SARDH: variants seen among roughly 807,000 people sequenced by gnomAD.
The protein encoded by SARDH is sarcosine dehydrogenase.
Under a neutral mutation model 109.1 loss-of-function variants are expected in SARDH, and 95 were observed. That is an observed-to-expected ratio of 0.87 (90% confidence interval 0.74 to 1.03). SARDH has a LOEUF of 1.03. Ranked by LOEUF, SARDH falls within the 50% of genes least tolerant of loss-of-function variation. SARDH has a pLI of 0.00. For missense variants in SARDH, 1,267 were observed against 1,287.8 expected, an observed-to-expected ratio of 0.98 and a Z score of 0.25; for synonymous variants, 572 against 534.8, an observed-to-expected ratio of 1.07 and a Z score of -0.96.
intron 2 of SARDH, among the ~76,000 whole-genome samples, chr9:133,733,018 C>T (rs913167070): frequency 4.6e-5 from 7 of 152,192 alleles, no homozygotes; most frequent in Non-Finnish European, 8.8e-5. Flanking sequence ...AAGCTTAAAT[C>T]TGCACTCTCC....
In SARDH at chr9:133,692,118, C is replaced by T. The variant is rs1271032955; in HGVS notation, c.1922-1591G>A. On this transcript the variant is annotated intron_variant, in intron 15 of 20. Coordinates refer to ENST00000439388, the MANE Select transcript of SARDH (RefSeq NM_001134707.2). The surrounding 1 kb of genome is among the most constrained non-coding windows in gnomAD (Gnocchi z 5.0). ...ACTGAGGCTCAGGGAGGCTGCTCCC[C>T]AGCCCTCCCAGCACCCCCAGACTCT... Among the ~76,000 whole-genome samples, 1 of 152,156 alleles carries T rather than the reference C, an allele frequency of 6.6e-6. No individual in the cohort carries two copies. Among genetic ancestry groups the T allele is most frequent in the African/African-American group, 2.4e-5 (1 of 41,420 alleles).
intron 17 of SARDH, among the ~76,000 whole-genome samples, chr9:133,677,682 T>A (rs1326142870): frequency 6.6e-6 from 1 of 151,746 alleles, no homozygotes; most frequent in East Asian, 1.9e-4. Flanking sequence ...GGGAACAGAG[T>A]CCCCTTCCTG....
rs373526978 is a variant in SARDH at position 133,708,366 on chromosome 9, T to A, written c.1391A>T (p.Tyr464Phe). 6.2e-7 allele frequency: 1 copy of A among 1,613,162 alleles called. No individual in the cohort carries two copies. Among genetic ancestry groups the A allele is most frequent in the Non-Finnish European group, 8.5e-7 (1 of 1,179,758 alleles). The part of the protein sequence containing the change: ...RWIRERSHES[Y>F]AKNYSVVFPH... ...GAAGACGACGGAGTAGTTCTTGGCGTAGGACTCATGGCTTCGCTCTCGGAT... is the reference window on the plus strand; with the variant it reads ...GAAGACGACGGAGTAGTTCTTGGCGAAGGACTCATGGCTTCGCTCTCGGAT... The change falls in exon 11 of 21, where the codon TAC (tyrosine) becomes TTC (phenylalanine). Residue 464 changes from tyrosine (Y) to phenylalanine (F), a missense_variant. Coordinates refer to ENST00000439388, the MANE Select transcript of SARDH (RefSeq NM_001134707.2).
chr9:133,739,938 C>G (rs1457371188), upstream of SARDH: 7 of 152,298 alleles, frequency 4.6e-5, no homozygotes, highest in African/African-American at 1.7e-4. Context: ...TCCCTGCACT[C>G]AAAGACAAGT....
rs571890548 is a variant in SARDH at position 133,692,134 on chromosome 9, C to T, written c.1922-1607G>A. On this transcript the variant is annotated intron_variant, in intron 15 of 20. Coordinates refer to ENST00000439388, the MANE Select transcript of SARDH (RefSeq NM_001134707.2). This position sits in a 1 kb window ranked among gnomAD's most constrained non-coding sequence, Gnocchi z 5.0. ...GCTGCTCCCCAGCCCTCCCAGCACC[C>T]CCAGACTCTGACTCAATTCTCCATC... is the stretch of plus-strand genomic sequence containing the variant. Among the ~76,000 whole-genome samples, 2 of 152,280 alleles carry T rather than the reference C, an allele frequency of 1.3e-5. No individual in the cohort carries two copies. Among genetic ancestry groups the T allele is most frequent in the South Asian group, 4.1e-4 (2 of 4,824 alleles).
rs1478480672 is a variant in SARDH, at chr9:133,713,099, G to A, written c.1176C>T (p.Pro392=). Reference sequence around the variant, plus strand: ...GGAGCTCAGGTGCCTCCCCCATCAGGGGCTTGTGGTCGGGCGTGAAGGATT... The same window carrying A: ...GGAGCTCAGGTGCCTCCCCCATCAGAGGCTTGTGGTCGGGCGTGAAGGATT... ...GPESFTPDHK[P]LMGEAPELRG... is the part of the protein sequence containing the mutation. Residue 392 remains proline (P), a synonymous_variant, in exon 9 of 21, where the codon CCC becomes CCT. Coordinates refer to ENST00000439388, the MANE Select transcript of SARDH (RefSeq NM_001134707.2). 1 of 1,613,506 alleles carries A rather than the reference G, an allele frequency of 6.2e-7. No individual in the cohort carries two copies. The highest frequency in any genetic ancestry group is 8.5e-7 in the Non-Finnish European group (1 of 1,179,964).
At chr9:133,724,608 G>A (rs1424809831) in intron 6 of SARDH, among the ~76,000 whole-genome samples, 1 of 152,210 alleles carries the variant, frequency 6.6e-6, no homozygotes, top group Non-Finnish European at 1.5e-5. Context: ...TAGTCCGACA[G>A]TTCGTTGAAA....
chr9:133,731,572 C>A, intron 3 of SARDH, 88 bp from the exon 4 acceptor site: 1 of 1,340,704 alleles, frequency 7.5e-7, no homozygotes, highest in Non-Finnish European at 1.0e-6. Context: ...CACCGCAAAC[C>A]CCAGCCTCAC....
At position 133,666,931 on chromosome 9, in the gene SARDH, A is replaced by C. The variant is rs774892924; in HGVS notation, c.2496-61T>G. On this transcript the variant is annotated intron_variant, in intron 19 of 20. Coordinates refer to ENST00000439388, the MANE Select transcript of SARDH (RefSeq NM_001134707.2). This position sits in a 1 kb window ranked among gnomAD's most constrained non-coding sequence, Gnocchi z 5.2. Reference sequence around the variant, plus strand: ...AACCGCAGGGTGGGGACGCGTCCACAGCGGCCTGGAGGAGAATGGGGGGCT... The same window carrying C: ...AACCGCAGGGTGGGGACGCGTCCACCGCGGCCTGGAGGAGAATGGGGGGCT... 5.0e-6 allele frequency: 8 copies of C among 1,596,436 alleles called. No homozygotes were observed. In the Middle Eastern group the frequency reaches 1.2e-3, roughly 233 times the overall value.
rs1265990748 is a variant in SARDH at position 133,670,703 on chromosome 9, C to T, written c.2376G>A (p.Glu792=). 6.2e-7 allele frequency: 1 copy of T among 1,605,290 alleles called. No homozygotes were observed. The highest frequency in any genetic ancestry group is 1.3e-5 in the African/African-American group (1 of 74,604). Residue 792 remains glutamate, a synonymous_variant, in exon 19 of 21, where the codon GAG becomes GAA. Coordinates refer to ENST00000439388, the MANE Select transcript of SARDH (RefSeq NM_001134707.2). Reference sequence around the variant, plus strand: ...GCTTGCAGGTGAAGGCCAGGCCTGCCTCCAGGGGGCTGTCGTCTGGCCGCA... The same window carrying T: ...GCTTGCAGGTGAAGGCCAGGCCTGCTTCCAGGGGGCTGTCGTCTGGCCGCA... ...ADLRPDDSPL[E]AGLAFTCKLK...
chr9:133,712,209 A>G lies in SARDH; in HGVS notation c.1328+410T>C, dbSNP rs999799920. 1.3e-5 allele frequency among the ~76,000 whole-genome samples: 2 copies of G among 152,162 alleles called. No individual in the cohort carries two copies. Among genetic ancestry groups the G allele is most frequent in the East Asian group, 1.9e-4 (1 of 5,176 alleles). ...GGGTCTCATTCCTGGCCGCTTTGTC[A>G]GTGTACGATTGAACGGGACAGCCGG... On this transcript the variant is annotated intron_variant, in intron 10 of 20. Transcript: ENST00000439388. This position sits in a 1 kb window ranked among gnomAD's most constrained non-coding sequence, Gnocchi z 4.1.
chr9:133,723,637 C>G (rs565881162), intron 6 of SARDH, among the ~76,000 whole-genome samples: 1 of 152,156 alleles, frequency 6.6e-6, no homozygotes, highest in African/African-American at 2.4e-5. Context: ...GTAGCAGGCA[C>G]CTGTAGTCCC....
At chr9:133,667,187 A>G (rs1273903702) in intron 19 of SARDH, 2 of 497,820 alleles carry the variant, frequency 4.0e-6, no homozygotes, top group Non-Finnish European at 7.0e-6. Flanking sequence ...ATTGTTGTTC[A>G]ACTCTGGTTT....
At chr9:133,713,897 T>C (rs1832024769) in intron 8 of SARDH, among the ~76,000 whole-genome samples, 1 of 152,224 alleles carries the variant, frequency 6.6e-6, no homozygotes, top group African/African-American at 2.4e-5. Flanking sequence ...TGTCCTGGGC[T>C]TGGCCCTGGG....
chr9:133,703,001 T>C lies in SARDH; in HGVS notation c.1583A>G (p.Tyr528Cys). The C allele has an allele frequency of 6.2e-7, 1 of 1,613,454 alleles. No individual in the cohort carries two copies. Among genetic ancestry groups the C allele is most frequent in the Non-Finnish European group, 8.5e-7 (1 of 1,179,970 alleles). Residue 528 changes from tyrosine to cysteine, a missense_variant, in exon 13 of 21, where the codon TAC becomes TGC. Tyr to Cys is a radical substitution (Grantham distance 194). Transcript: ENST00000439388. ...GTAGTCCTCGTGCGCGCGGCTCCCG[T>C]AAGCCCCGTAGTAGTCGTACTCGAG... ...PVLEYDYYGA[Y>C]GSRAHEDYAY...
At chr9:133,717,994 C>A (rs1235940729) in intron 7 of SARDH, among the ~76,000 whole-genome samples, 1 of 152,244 alleles carries the variant, frequency 6.6e-6, no homozygotes. Flanking sequence ...TCCTTCTGCT[C>A]CAGTCTCTCT....
chr9:133,729,373 C>T (rs1016654056), intron 6 of SARDH, among the ~76,000 whole-genome samples: 1 of 152,110 alleles, frequency 6.6e-6, no homozygotes, highest in Non-Finnish European at 1.5e-5. Context: ...TGCCAGGAAC[C>T]AGCACCCTCT....
intron 10 of SARDH, among the ~76,000 whole-genome samples, chr9:133,710,672 C>T (rs189295421): frequency 2.8e-4 from 42 of 152,382 alleles, no homozygotes; most frequent in Admixed American, 8.5e-4. Flanking sequence ...CCTCTCCTCG[C>T]TCTGTCTCTC....
At chr9:133,720,282 A>G (rs1261424427) in intron 6 of SARDH, among the ~76,000 whole-genome samples, 12 of 146,408 alleles carry the variant, frequency 8.2e-5, no homozygotes, top group South Asian at 4.4e-4. Context: ...CAAAAAATTA[A>G]CCGGGCGTGG....
Sources: allele counts gnomAD v4.1 joint callset (sites outside exome capture counted in the v4.1 genomes callset), GRCh38; gene constraint gnomAD v4.1.1; non-coding constraint Gnocchi (gnomAD v3.1); transcripts MANE v1.5; gene names NCBI Gene and HGNC (gene_info 2026-07-23, HGNC 2026-07-21).